The following PSPC1 variants were observed in gnomAD, a reference collection of about 807,000 sequenced individuals.
The protein encoded by PSPC1 is paraspeckle component 1, also known as paraspeckle protein 1.
In PSPC1, 14 loss-of-function variants were observed where a neutral mutation model predicts 51.6. The ratio of observed to expected loss-of-function variants is 0.27; its 90% CI spans 0.18 to 0.42. The LOEUF (loss-of-function observed/expected upper bound fraction) is 0.42, where lower values mean the gene tolerates loss of function less well. PSPC1 is among the 10% of genes least tolerant of loss of function. The pLI, the probability that PSPC1 is intolerant of heterozygous loss-of-function variation, is 1.00. For missense variants in PSPC1, 406 were observed against 701.1 expected (o/e 0.58, Z 4.75); for synonymous variants, 193 against 231.9 (o/e 0.83, Z 1.53).
intron 3 of PSPC1, among the ~76,000 whole-genome samples, chr13:19,758,882 G>GT (rs1202615762): frequency 6.6e-6 from 1 of 151,688 alleles, no homozygotes; most frequent in East Asian, 1.9e-4. Flanking sequence ...AGATTTCATC[G>GT]TTTTTCTGGC....
In PSPC1 at chr13:19,768,565, G is replaced by A. The variant is rs568843335; in HGVS notation, c.674+3677C>T. ...CAGGAGGTTGAGGCAGGAGAATGGC[G>A]TGAACCCGGGAGGCAGAGCTTGCAG... On this transcript the variant is annotated intron_variant, in intron 2 of 8. Coordinates refer to ENST00000338910, the MANE Select transcript of PSPC1 (RefSeq NM_001354909.2). Among the ~76,000 whole-genome samples the A allele has an allele frequency of 4.0e-5, 6 of 149,524 alleles. 1 individual carries two copies. In the South Asian group the frequency reaches 1.1e-3, roughly 26 times the overall value.
chr13:19,735,968 C>A (rs537072232), intron 5 of PSPC1, among the ~76,000 whole-genome samples: 1 of 152,126 alleles, frequency 6.6e-6, no homozygotes, highest in Admixed American at 6.6e-5. Context: ...CTACAGGCGC[C>A]CGCCACCACG....
chr13:19,674,994 CAATG>C (rs1876474634), intron 7 of PSPC1: 1 of 152,266 alleles, frequency 6.6e-6, no homozygotes, highest in Non-Finnish European at 1.5e-5. Context: ...ACTGTGAAGA[CAATG>C]AAGGTTCAGA....
chr13:19,772,310 C>G lies in PSPC1; in HGVS notation c.606G>C (p.Glu202Asp). 1 of 1,614,224 alleles carries G rather than the reference C, an allele frequency of 6.2e-7. No individual in the cohort carries two copies. The highest frequency in any genetic ancestry group is 8.5e-7 in the Non-Finnish European group (1 of 1,180,040). Reference protein sequence around the residue: ...RGRATGKGFVEFAAKPPARKA... With the variant: ...RGRATGKGFVDFAAKPPARKA... ...TTCGTGCAGGAGGTTTTGCTGCAAA[C>G]TCTACAAAACCTTTTCCTGTAGCTC... Residue 202 changes from glutamate to aspartate, a missense_variant, in exon 2 of 9, where the codon GAG becomes GAC. Physicochemically the swap from Glu to Asp is conservative, Grantham distance 45. This residue lies in a region of PSPC1 where 180 missense variants were observed against 337.9 expected (regional missense o/e 0.53). Coordinates refer to ENST00000338910, the MANE Select transcript of PSPC1 (RefSeq NM_001354909.2).
At chr13:19,779,654 C>T (rs374542225) in intron 1 of PSPC1, among the ~76,000 whole-genome samples, 7,531 of 25,076 alleles carry the variant, frequency 0.3, 605 homozygotes, top group East Asian at 0.53. Flanking sequence ...CCCCTCTGCC[C>T]GGCCAGCCGC....
intron 2 of PSPC1, among the ~76,000 whole-genome samples, chr13:19,767,793 G>A (rs1200435140): frequency 6.6e-6 from 1 of 152,022 alleles, no homozygotes; most frequent in African/African-American, 2.4e-5. Flanking sequence ...AAGAAAACAT[G>A]AGAAAAGCTC....
chr13:19,716,073 G>A (rs576731782), intron 6 of PSPC1, among the ~76,000 whole-genome samples: 27 of 152,250 alleles, frequency 1.8e-4, no homozygotes, highest in African/African-American at 6.3e-4. Flanking sequence ...TTCAGGCTAT[G>A]TATATAAGAC....
At chr13:19,683,896 T>G (rs945549025) in intron 6 of PSPC1, among the ~76,000 whole-genome samples, 2 of 152,120 alleles carry the variant, frequency 1.3e-5, no homozygotes, top group Admixed American at 1.3e-4. Context: ...CAAAGAAATG[T>G]GAAGTTCAGC....
At chr13:19,710,409 A>G (rs1388046959) in intron 6 of PSPC1, among the ~76,000 whole-genome samples, 1 of 152,156 alleles carries the variant, frequency 6.6e-6, no homozygotes, top group Non-Finnish European at 1.5e-5. Flanking sequence ...GAAAATTGCA[A>G]TTTTCACTTT....
chr13:19,687,671 C>CCT (rs11272616), intron 6 of PSPC1, among the ~76,000 whole-genome samples: 1 of 152,052 alleles, frequency 6.6e-6, no homozygotes, highest in African/African-American at 2.4e-5. Context: ...ACATAAATCC[C>CCT]AGTCGTGACC....
chr13:19,730,969 A>AAAAAAAAAAAAAAAAC (rs1884023504), intron 5 of PSPC1, among the ~76,000 whole-genome samples: 79 of 146,664 alleles, frequency 5.4e-4, no homozygotes, highest in Middle Eastern at 3.6e-3. Context: ...AAAAAACAAA[A>AAAAAAAAAAAAAAAAC]AAAAAAAAAA....
chr13:19,677,898 A>G (rs1395282704), intron 6 of PSPC1: 2 of 452,472 alleles, frequency 4.4e-6, no homozygotes, highest in Non-Finnish European at 8.9e-6. Flanking sequence ...ATCAGAGTTA[A>G]CTCATTTAGT....
Position 19,688,225 on chromosome 13 carries a change from T to C in PSPC1, c.1159-10402A>G, listed in dbSNP as rs1470458536. Among the ~76,000 whole-genome samples, 12 of 152,160 alleles carry C rather than the reference T, an allele frequency of 7.9e-5. No individual in the cohort carries two copies. In the South Asian group the frequency reaches 1.2e-3, roughly 16 times the overall value. On this transcript the variant is annotated intron_variant and NMD_transcript_variant, in intron 6 of 7. Coordinates refer to the PSPC1 transcript ENST00000471658. ...CCGAACTCCCTGTAACACACTTATG[T>C]TGGGCAACAGGTTTCATGTGTAATC...
At chr13:19,776,223 A>C (rs1889105096) in intron 1 of PSPC1, among the ~76,000 whole-genome samples, 1 of 152,050 alleles carries the variant, frequency 6.6e-6, no homozygotes, top group South Asian at 2.1e-4. Flanking sequence ...CACTTTGGGA[A>C]GCTGAGGAGG....
chr13:19,772,317 A>G lies in PSPC1; in HGVS notation c.599T>C (p.Phe200Ser), dbSNP rs1888695806. The change falls in exon 2 of 9, where the codon TTT becomes TCT. Residue 200 changes from phenylalanine (F) to serine (S), a missense_variant. Phe to Ser is a radical substitution (Grantham distance 155, BLOSUM62 -2). Transcript: ENST00000338910. ...AGGAGGTTTTGCTGCAAACTCTACA[A>G]AACCTTTTCCTGTAGCTCTACCGCG... ...DDRGRATGKGFVEFAAKPPAR... is the reference protein window; with the variant it reads ...DDRGRATGKGSVEFAAKPPAR... 1.9e-6 allele frequency: 3 copies of G among 1,614,210 alleles called. No individual in the cohort carries two copies. The East Asian group carries it at 6.7e-5, about 36-fold the overall frequency.
chr13:19,685,523 CCTTA>C (rs1214351819), intron 6 of PSPC1, among the ~76,000 whole-genome samples: 4 of 152,116 alleles, frequency 2.6e-5, no homozygotes, highest in African/African-American at 4.8e-5. Flanking sequence ...AGAAGGTCTC[CCTTA>C]ACATCTCAGA....
At chr13:19,683,419 G>A (rs1877507059) in intron 6 of PSPC1, among the ~76,000 whole-genome samples, 1 of 152,176 alleles carries the variant, frequency 6.6e-6, no homozygotes, top group Admixed American at 6.5e-5. Flanking sequence ...AGAAAAAAGA[G>A]TACATATTGT....
intron 7 of PSPC1, among the ~76,000 whole-genome samples, chr13:19,676,163 T>C (rs1246050329): frequency 6.6e-6 from 1 of 152,232 alleles, no homozygotes; most frequent in Non-Finnish European, 1.5e-5. Context: ...CAATTTTTTT[T>C]CCTTTCCCAT....
intron 1 of PSPC1, among the ~76,000 whole-genome samples, chr13:19,777,407 G>A (rs1350865349): frequency 7.3e-6 from 1 of 136,832 alleles, no homozygotes; most frequent in Non-Finnish European, 1.5e-5. Flanking sequence ...TCCAGCCTGG[G>A]CGACACAGCA....
Sources: allele counts gnomAD v4.1 joint callset (sites outside exome capture counted in the v4.1 genomes callset), GRCh38; gene constraint gnomAD v4.1.1; regional missense constraint gnomAD v4.1.1; transcripts MANE v1.5; gene names NCBI Gene and HGNC (gene_info 2026-07-23, HGNC 2026-07-21).